Variants in CFAP20DC observed in about 807,000 individuals in gnomAD.
CFAP20DC encodes CFAP20 domain containing.
Under a neutral mutation model 101.7 loss-of-function variants are expected in CFAP20DC, and 84 were observed. The ratio of observed to expected loss-of-function variants is 0.83; its 90% CI spans 0.69 to 0.99. The LOEUF (loss-of-function observed/expected upper bound fraction) is 0.99, where lower values mean the gene tolerates loss of function less well. Ranked by LOEUF, CFAP20DC falls within the 50% of genes least tolerant of loss-of-function variation. The pLI is 0.00. For synonymous variants in CFAP20DC, 359 were observed against 351.2 expected (o/e 1.02, Z -0.25); for missense variants, 1,007 against 970.3 (o/e 1.04, Z -0.50).
At chr3:58,989,724 CAT>C (rs2092874202) in intron 4 of CFAP20DC, among the ~76,000 whole-genome samples, 2 of 152,016 alleles carry the variant, frequency 1.3e-5, no homozygotes, top group Non-Finnish European at 2.9e-5. Flanking sequence ...AAATTATTTC[CAT>C]AGTCTATGTA....
intron 14 of CFAP20DC, among the ~76,000 whole-genome samples, chr3:58,816,523 G>C (rs2075162709): frequency 6.6e-6 from 1 of 152,172 alleles, no homozygotes; most frequent in Non-Finnish European, 1.5e-5. Flanking sequence ...TCAAAGAAAG[G>C]GGTGACGGAC....
intron 14 of CFAP20DC, among the ~76,000 whole-genome samples, chr3:58,807,940 G>A (rs769211830): frequency 5.9e-5 from 9 of 151,910 alleles, no homozygotes; most frequent in Non-Finnish European, 1.0e-4. Context: ...GAGCCCATGT[G>A]ATCAACTGGA....
intron 5 of CFAP20DC, among the ~76,000 whole-genome samples, chr3:58,918,840 A>G (rs2085024048): frequency 6.6e-6 from 1 of 152,190 alleles, no homozygotes; most frequent in Non-Finnish European, 1.5e-5. Context: ...TAAAATGGTG[A>G]TAATAATGTA....
chr3:58,949,074 C>A (rs932632678), intron 4 of CFAP20DC, among the ~76,000 whole-genome samples: 1 of 152,208 alleles, frequency 6.6e-6, no homozygotes, highest in Admixed American at 6.5e-5. Flanking sequence ...AGTTTATTTG[C>A]GTAGAGGTGT....
intron 15 of CFAP20DC, among the ~76,000 whole-genome samples, chr3:58,783,957 G>A (rs2072081453): frequency 6.6e-6 from 1 of 151,998 alleles, no homozygotes; most frequent in African/African-American, 2.4e-5. Context: ...CATTATGCAG[G>A]TACTGAGCAT....
At chr3:58,975,378 A>C (rs1370250362) in intron 4 of CFAP20DC, among the ~76,000 whole-genome samples, 3 of 152,162 alleles carry the variant, frequency 2.0e-5, no homozygotes, top group Admixed American at 6.5e-5. Context: ...TGCCTGCCTC[A>C]CAGTAGGTGT....
At chr3:58,770,239 T>C (rs1033842081) in intron 15 of CFAP20DC, among the ~76,000 whole-genome samples, 2 of 152,250 alleles carry the variant, frequency 1.3e-5, no homozygotes, top group African/African-American at 4.8e-5. Flanking sequence ...TGAGATAATA[T>C]GAAAGAAAGC....
intron 6 of CFAP20DC, among the ~76,000 whole-genome samples, chr3:58,903,012 A>G (rs559664168): frequency 1.3e-5 from 2 of 152,180 alleles, no homozygotes; most frequent in Non-Finnish European, 2.9e-5. Flanking sequence ...AATATACTAG[A>G]ATGTTTTCTC....
chr3:59,028,121 A>G (rs991733861), intron 4 of CFAP20DC, among the ~76,000 whole-genome samples: 15 of 152,204 alleles, frequency 9.9e-5, no homozygotes, highest in Non-Finnish European at 1.6e-4. Flanking sequence ...CACATGCAAA[A>G]TGTAATGTGC....
chr3:58,804,509 T>A (rs749962098), intron 15 of CFAP20DC, among the ~76,000 whole-genome samples: 2 of 152,014 alleles, frequency 1.3e-5, no homozygotes, highest in African/African-American at 4.8e-5. Flanking sequence ...ATTATAGGCA[T>A]ATGCCACCAC....
intron 12 of CFAP20DC, among the ~76,000 whole-genome samples, chr3:58,852,309 A>C (rs13318467): frequency 0.18 from 27,762 of 151,782 alleles, 4,496 homozygotes; most frequent in African/African-American, 0.42. Flanking sequence ...TATATATGCA[A>C]CCAATACAGG....
rs2091406462 is a variant in CFAP20DC, at chr3:58,964,683, T to C, written c.279-26921A>G. On this transcript the variant is annotated intron_variant, in intron 4 of 16. Transcript: ENST00000482387. The surrounding 1 kb of genome is among the most constrained non-coding windows in gnomAD (Gnocchi z 4.1). ...ACTACTTATTTACATATTTTTGGTT[T>C]TGTGTGTACATCAAATTGCACACAC... Among the ~76,000 whole-genome samples, 1 of 152,264 alleles carries C rather than the reference T, an allele frequency of 6.6e-6. No homozygotes were observed. The highest frequency in any genetic ancestry group is 6.5e-5 in the Admixed American group (1 of 15,280).
At chr3:58,748,061 A>C (rs1559537721) in intron 16 of CFAP20DC, among the ~76,000 whole-genome samples, 1 of 152,204 alleles carries the variant, frequency 6.6e-6, no homozygotes, top group East Asian at 1.9e-4. Context: ...ATTTTAGGGA[A>C]CATGTTGAAG....
Position 58,717,526 on chromosome 3 carries a change from A to C in CFAP20DC, c.*62T>G, listed in dbSNP as rs560147565. Reference sequence around the variant, plus strand: ...CAGGATGAGTATAGATGCTCAAGGAAGAAGTGAGGACCCACACTTCCAGGT... The same window carrying C: ...CAGGATGAGTATAGATGCTCAAGGACGAAGTGAGGACCCACACTTCCAGGT... On this transcript the variant is annotated 3_prime_UTR_variant, in exon 4 of 4. Transcript: ENST00000486145. This position sits in a 1 kb window ranked among gnomAD's most constrained non-coding sequence, Gnocchi z 4.1. 1 of 422,924 alleles carries C rather than the reference A, an allele frequency of 2.4e-6. No individual in the cohort carries two copies. Among genetic ancestry groups the C allele is most frequent in the South Asian group, 1.7e-5 (1 of 57,736 alleles). The allele number at this position is 422,924 out of a possible 1,614,324, so 26.2% of individuals were successfully genotyped here.
rs999086017 is a variant in CFAP20DC at position 58,721,565 on chromosome 3, C to G, written c.198-3937G>C. On this transcript the variant is annotated intron_variant, in intron 3 of 3. Transcript: ENST00000486145. The surrounding 1 kb of genome is among the most constrained non-coding windows in gnomAD (Gnocchi z 5.2). Reference sequence around the variant, plus strand: ...AAGGAAGGGAGCAAGTCGTAGCACCCAAGACCCCAGGGTAGGAGAGCCCAG... The same window carrying G: ...AAGGAAGGGAGCAAGTCGTAGCACCGAAGACCCCAGGGTAGGAGAGCCCAG... 8.5e-5 allele frequency among the ~76,000 whole-genome samples: 13 copies of G among 152,084 alleles called. No individual in the cohort carries two copies. The highest frequency in any genetic ancestry group is 2.9e-4 in the African/African-American group (12 of 41,412).
intron 15 of CFAP20DC, among the ~76,000 whole-genome samples, chr3:58,762,728 A>G (rs10049299): frequency 0.01 from 1,517 of 150,814 alleles, 24 homozygotes; most frequent in African/African-American, 0.036. Context: ...TTTAGGGCAG[A>G]CCTGGTGGTG....
chr3:58,834,366 G>A (rs1332033997), intron 13 of CFAP20DC, among the ~76,000 whole-genome samples: 1 of 152,086 alleles, frequency 6.6e-6, no homozygotes, highest in East Asian at 1.9e-4. Flanking sequence ...ATGTTAGTTG[G>A]CTCATCATTG....
chr3:58,929,655 A>G (rs1300869138), intron 5 of CFAP20DC, among the ~76,000 whole-genome samples: 1 of 152,154 alleles, frequency 6.6e-6, no homozygotes, highest in African/African-American at 2.4e-5. Flanking sequence ...AATCAAGCTC[A>G]TTTTTATTAC....
At chr3:58,953,998 G>C (rs906346638) in intron 4 of CFAP20DC, among the ~76,000 whole-genome samples, 5 of 152,112 alleles carry the variant, frequency 3.3e-5, no homozygotes, top group African/African-American at 1.2e-4. Flanking sequence ...GAGAAAATGG[G>C]GTAGTTGACG....
Sources: gnomAD v4.1 joint callset for allele counts (sites outside exome capture counted in the v4.1 genomes callset) on GRCh38, gnomAD v4.1.1 for gene constraint, Gnocchi (gnomAD v3.1) non-coding constraint, MANE v1.5 for transcripts, NCBI Gene and HGNC (gene_info 2026-07-23, HGNC 2026-07-21) for gene names.